The following RAPGEF4 variants were observed in gnomAD, a reference collection of about 807,000 sequenced individuals.
RAPGEF4 encodes the protein Rap guanine nucleotide exchange factor 4.
In RAPGEF4, 66 loss-of-function variants were observed where a neutral mutation model predicts 147.9. That is an observed-to-expected ratio of 0.45 (90% CI 0.37 to 0.55). The LOEUF is 0.55. Among genes scored for constraint, RAPGEF4 ranks in the 20% least tolerant of loss-of-function variants. The probability of loss-of-function intolerance (pLI) is 0.00; values close to 1 mark genes in which losing one functional copy is unlikely to be tolerated. For missense variants in RAPGEF4, 1,071 were observed against 1,257.3 expected (o/e 0.85, Z 2.24); for synonymous variants, 419 against 442.7 (o/e 0.95, Z 0.67).
chr2:172,833,250 A>G (rs1690564460), intron 4 of RAPGEF4, among the ~76,000 whole-genome samples: 1 of 128,202 alleles, frequency 7.8e-6, no homozygotes, highest in South Asian at 2.8e-4. Context: ...GAACATGTAC[A>G]GAGGTTTGGG....
intron 1 of RAPGEF4, among the ~76,000 whole-genome samples, chr2:172,770,970 T>C (rs1182069102): frequency 6.6e-6 from 1 of 152,194 alleles, no homozygotes; most frequent in African/African-American, 2.4e-5. Flanking sequence ...TGTTCTAGGC[T>C]GTAATGTAAT....
chr2:173,048,619 C>G lies in RAPGEF4; in HGVS notation c.2873C>G (p.Ala958Gly). 1 of 1,614,080 alleles carries G rather than the reference C, an allele frequency of 6.2e-7. No individual in the cohort carries two copies. Among genetic ancestry groups the G allele is most frequent in the Non-Finnish European group, 8.5e-7 (1 of 1,180,006 alleles). Residue 958 changes from alanine (A) to glycine (G), a missense_variant, in exon 30 of 31, where the codon GCC becomes GGC. Transcript: ENST00000397081. ...FEKMRMIANT[A>G]RTVRYYRSQP... ...TTTTAGCGCATGATTGCAAATACGG[C>G]CAGAACAGTGAGATACTACAGGAGC...
chr2:173,033,931 CAAG>C lies in RAPGEF4; in HGVS notation c.2671_2673del (p.Lys891del). 1 of 1,613,196 alleles carries C rather than the reference CAAG, an allele frequency of 6.2e-7. No individual in the cohort carries two copies. Among genetic ancestry groups the C allele is most frequent in the Non-Finnish European group, 8.5e-7 (1 of 1,179,774 alleles). ...ATTAACAGAAACTGCCAAGCAAGTT[CAAG>C]AAGTTCTATGCGGAGTTTGAAAGTT... On this transcript the variant is annotated inframe_deletion, in exon 27 of 31. Transcript: ENST00000397081.
chr2:172,918,089 C>G (rs745924985), intron 5 of RAPGEF4: 4 of 712,208 alleles, frequency 5.6e-6, no homozygotes, highest in Non-Finnish European at 1.0e-5. Flanking sequence ...GAGGTATGCT[C>G]TGGTGCCAGC....
intron 1 of RAPGEF4, among the ~76,000 whole-genome samples, chr2:172,784,477 C>T (rs1684995515): frequency 6.6e-6 from 1 of 150,572 alleles, no homozygotes; most frequent in Non-Finnish European, 1.5e-5. Flanking sequence ...GAGATCGTGC[C>T]ACTGCACTCC....
intron 4 of RAPGEF4, among the ~76,000 whole-genome samples, chr2:172,817,283 T>C (rs1341869797): frequency 1.3e-5 from 2 of 152,216 alleles, no homozygotes; most frequent in Non-Finnish European, 2.9e-5. Context: ...CAGAGCATAA[T>C]ATATCATTAA....
intron 6 of RAPGEF4, among the ~76,000 whole-genome samples, chr2:172,950,310 G>A (rs1688085000): frequency 6.6e-6 from 1 of 152,168 alleles, no homozygotes; most frequent in African/African-American, 2.4e-5. Context: ...CCCAGTGGCG[G>A]GGGCCGTGGG....
At chr2:173,037,694 G>A (rs1421741897) in intron 29 of RAPGEF4, among the ~76,000 whole-genome samples, 1 of 152,136 alleles carries the variant, frequency 6.6e-6, no homozygotes, top group East Asian at 1.9e-4. Flanking sequence ...GAATTGCAGT[G>A]TGAATGTGGC....
intron 4 of RAPGEF4, among the ~76,000 whole-genome samples, chr2:172,910,280 T>A (rs1699972208): frequency 6.6e-6 from 1 of 152,178 alleles, no homozygotes; most frequent in Non-Finnish European, 1.5e-5. Context: ...AGACAGTTTC[T>A]CCATTGCACC....
At chr2:172,809,939 T>C (rs1485145665) in intron 3 of RAPGEF4, among the ~76,000 whole-genome samples, 2 of 152,216 alleles carry the variant, frequency 1.3e-5, no homozygotes, top group Non-Finnish European at 2.9e-5. Flanking sequence ...AATATTGGAA[T>C]TGGAAGATTA....
intron 4 of RAPGEF4, among the ~76,000 whole-genome samples, chr2:172,861,252 A>G (rs1388098543): frequency 1.3e-5 from 2 of 152,314 alleles, no homozygotes; most frequent in East Asian, 3.9e-4. Flanking sequence ...CAGTGTGATC[A>G]GGCTTTTGTT....
At chr2:172,736,512 C>T (rs1038677572) in intron 1 of RAPGEF4, among the ~76,000 whole-genome samples, 7 of 152,146 alleles carry the variant, frequency 4.6e-5, no homozygotes, top group Non-Finnish European at 1.0e-4. Flanking sequence ...GTGAGGGACC[C>T]GGTGGAGCTG....
chr2:172,961,330 T>A, intron 8 of RAPGEF4, 102 bp downstream of exon 8: 8 of 880,080 alleles, frequency 9.1e-6, no homozygotes, highest in Non-Finnish European at 1.3e-5. Flanking sequence ...CGCAGCCCAT[T>A]TTGTAATGCC....
chr2:172,898,653 G>A (rs944470714), intron 4 of RAPGEF4, among the ~76,000 whole-genome samples: 23 of 152,328 alleles, frequency 1.5e-4, no homozygotes, highest in African/African-American at 4.8e-4. Context: ...GAATGTCCTG[G>A]AGGGACAGGT....
intron 6 of RAPGEF4, among the ~76,000 whole-genome samples, chr2:172,944,913 T>G (rs1687537139): frequency 6.6e-6 from 1 of 152,162 alleles, no homozygotes; most frequent in African/African-American, 2.4e-5. Context: ...AACTGTGACC[T>G]CCAGGTAGAA....
At chr2:172,929,644 A>G (rs1184334061) in intron 6 of RAPGEF4, among the ~76,000 whole-genome samples, 2 of 152,224 alleles carry the variant, frequency 1.3e-5, no homozygotes, top group Admixed American at 1.3e-4. Context: ...CACCCCTGGA[A>G]TATACCACTG....
intron 1 of RAPGEF4, among the ~76,000 whole-genome samples, chr2:172,772,394 A>T (rs1683712691): frequency 6.6e-6 from 1 of 151,808 alleles, no homozygotes; most frequent in Admixed American, 6.6e-5. Flanking sequence ...TCCAGGCTGG[A>T]GTGCAGTGGC....
intron 14 of RAPGEF4, 143 bp downstream of exon 14, chr2:172,988,982 T>G: frequency 5.6e-6 from 5 of 897,506 alleles, no homozygotes; most frequent in Non-Finnish European, 8.3e-6. Flanking sequence ...ACAAACCGGT[T>G]ATATTTAATG....
chr2:172,874,464 G>A (rs1226356121), intron 4 of RAPGEF4, among the ~76,000 whole-genome samples: 1 of 151,976 alleles, frequency 6.6e-6, no homozygotes, highest in East Asian at 1.9e-4. Flanking sequence ...TGTTCTCATT[G>A]TTCAATTCCC....
Sources: gnomAD v4.1 joint callset for allele counts (sites outside exome capture counted in the v4.1 genomes callset) on GRCh38, gnomAD v4.1.1 for gene constraint, MANE v1.5 for transcripts, NCBI Gene and HGNC (gene_info 2026-07-23, HGNC 2026-07-21) for gene names.